The following POU6F2 variants were observed in gnomAD, a reference collection of about 807,000 sequenced individuals.
POU6F2 encodes POU class 6 homeobox 2, also known as POU domain, class 6, transcription factor 2.
A neutral mutation model predicts 71.3 loss-of-function variants in POU6F2; 31 were observed. The observed-to-expected ratio is 0.43, with a 90% confidence interval of 0.33 to 0.59. The LOEUF (loss-of-function observed/expected upper bound fraction) is 0.59, where lower values mean the gene tolerates loss of function less well. Ranked by LOEUF, POU6F2 falls within the 20% of genes least tolerant of loss-of-function variation. The pLI is 0.04. For missense variants in POU6F2, 783 were observed against 856.8 expected, an observed-to-expected ratio of 0.91 and a Z score of 1.07; for synonymous variants, 347 against 355.7, an observed-to-expected ratio of 0.98 and a Z score of 0.27.
At chr7:39,197,027 G>A (rs1330276402) in intron 2 of POU6F2, among the ~76,000 whole-genome samples, 1 of 152,176 alleles carries the variant, frequency 6.6e-6, no homozygotes, top group Admixed American at 6.5e-5. Flanking sequence ...AATGCCCTGA[G>A]GTCACCATCC....
intron 2 of POU6F2, among the ~76,000 whole-genome samples, chr7:39,133,658 C>T (rs893039409): frequency 6.6e-6 from 1 of 152,150 alleles, no homozygotes; most frequent in East Asian, 1.9e-4. Context: ...TCCATGAATA[C>T]AATAACATTG....
At chr7:38,983,403 T>C (rs1409943506) in intron 1 of POU6F2, among the ~76,000 whole-genome samples, 1 of 151,766 alleles carries the variant, frequency 6.6e-6, no homozygotes, top group Non-Finnish European at 1.5e-5. Context: ...TTCTTTTTTT[T>C]TTTTTGTAGG....
chr7:39,007,153 A>G (rs547933989), intron 1 of POU6F2, among the ~76,000 whole-genome samples: 6 of 152,310 alleles, frequency 3.9e-5, no homozygotes, highest in African/African-American at 1.2e-4. Context: ...TACGTATTTG[A>G]CCATTAGAGT....
chr7:39,096,120 T>C (rs1010903216), intron 2 of POU6F2, among the ~76,000 whole-genome samples: 1 of 152,188 alleles, frequency 6.6e-6, no homozygotes, highest in Non-Finnish European at 1.5e-5. Context: ...CATCAGTATC[T>C]GCACGGAGAG....
At chr7:39,029,343 G>C (rs1312301824) in intron 1 of POU6F2, among the ~76,000 whole-genome samples, 1 of 151,624 alleles carries the variant, frequency 6.6e-6, no homozygotes, top group Non-Finnish European at 1.5e-5. Context: ...TCCTACTGTT[G>C]GTACTTTTAC....
intron 4 of POU6F2, among the ~76,000 whole-genome samples, chr7:39,263,017 T>C (rs996099800): frequency 6.6e-6 from 1 of 152,210 alleles, no homozygotes; most frequent in African/African-American, 2.4e-5. Flanking sequence ...AAGATGATTG[T>C]GGCAATTTGT....
chr7:39,403,327 A>G (rs1028589467), intron 5 of POU6F2, among the ~76,000 whole-genome samples: 65 of 152,374 alleles, frequency 4.3e-4, no homozygotes, highest in African/African-American at 1.4e-3. Flanking sequence ...ATCCATTTGT[A>G]TACAACATAA....
intron 4 of POU6F2, among the ~76,000 whole-genome samples, chr7:39,260,778 C>T (rs548891361): frequency 6.6e-6 from 1 of 152,126 alleles, no homozygotes; most frequent in South Asian, 2.1e-4. Flanking sequence ...ATATACCACA[C>T]ACAACACTTA....
chr7:38,998,863 A>C (rs1312518184), intron 1 of POU6F2, among the ~76,000 whole-genome samples: 1 of 129,624 alleles, frequency 7.7e-6, no homozygotes, highest in Admixed American at 8.4e-5. Flanking sequence ...ACCAGGTTTT[A>C]CCATGTTAGC....
At chr7:39,275,595 T>G (rs1784421911) in intron 4 of POU6F2, among the ~76,000 whole-genome samples, 1 of 152,148 alleles carries the variant, frequency 6.6e-6, no homozygotes, top group African/African-American at 2.4e-5. Context: ...CATTGCCAAG[T>G]CAATCCTAAG....
chr7:39,318,629 GA>G (rs147460653), intron 4 of POU6F2, among the ~76,000 whole-genome samples: 1 of 151,968 alleles, frequency 6.6e-6, no homozygotes, highest in African/African-American at 2.4e-5. Flanking sequence ...GCTCTCTTAG[GA>G]AAAAAACAAA....
At chr7:39,196,197 G>C (rs538570387) in intron 2 of POU6F2, among the ~76,000 whole-genome samples, 205 of 152,236 alleles carry the variant, frequency 1.3e-3, no homozygotes, top group African/African-American at 4.6e-3. Flanking sequence ...CTGTTACAAA[G>C]GTAGATCTAC....
chr7:39,028,036 A>G (rs6462887), intron 1 of POU6F2, among the ~76,000 whole-genome samples: 50,018 of 152,030 alleles, frequency 0.33, 8,854 homozygotes, highest in East Asian at 0.73. Flanking sequence ...TTCCAAAACT[A>G]AGTAATGTAA....
chr7:38,979,094 C>A (rs1788250314), intron 1 of POU6F2, among the ~76,000 whole-genome samples: 1 of 151,940 alleles, frequency 6.6e-6, no homozygotes, highest in Non-Finnish European at 1.5e-5. Context: ...GGTTTCTTTT[C>A]TTTTTTGTAA....
At chr7:39,001,582 T>C (rs1351447238) in intron 1 of POU6F2, among the ~76,000 whole-genome samples, 2 of 152,210 alleles carry the variant, frequency 1.3e-5, no homozygotes, top group Non-Finnish European at 2.9e-5. Flanking sequence ...GGGAAGACCA[T>C]GTCTGAGCTC....
chr7:39,462,306 G>A (rs577949092), intron 9 of POU6F2, among the ~76,000 whole-genome samples: 1 of 152,272 alleles, frequency 6.6e-6, no homozygotes, highest in South Asian at 2.1e-4. Flanking sequence ...CAGTATTTCA[G>A]TGAGATCGTT....
At chr7:39,235,504 G>A (rs1794659480) in intron 4 of POU6F2, among the ~76,000 whole-genome samples, 1 of 152,100 alleles carries the variant, frequency 6.6e-6, no homozygotes, top group South Asian at 2.1e-4. Context: ...CCCTTCTCCT[G>A]CCAGTCCACT....
chr7:39,032,521 TC>T (rs1789967254), intron 1 of POU6F2, among the ~76,000 whole-genome samples: 2 of 152,228 alleles, frequency 1.3e-5, no homozygotes, highest in African/African-American at 2.4e-5. Flanking sequence ...TTATCTTGTT[TC>T]CCTTTTTTGC....
chr7:39,190,417 TAAAAAAAAAAAAAAAA>T (rs57872350), intron 2 of POU6F2, among the ~76,000 whole-genome samples: 3 of 59,892 alleles, frequency 5.0e-5, no homozygotes, highest in Non-Finnish European at 8.2e-5. Flanking sequence ...CTCCTTTTCT[TAAAAAAAAAAAAAAAA>T]AAAAAAAAAA....
Sources: gnomAD v4.1 joint callset for allele counts (sites outside exome capture counted in the v4.1 genomes callset) on GRCh38, gnomAD v4.1.1 for gene constraint, MANE v1.5 for transcripts, NCBI Gene and HGNC (gene_info 2026-07-23, HGNC 2026-07-21) for gene names.